The following NOBOX variants were observed in gnomAD, a reference collection of about 807,000 sequenced individuals.
The protein encoded by NOBOX is NOBOX oogenesis homeobox.
A neutral mutation model predicts 60.2 loss-of-function variants in NOBOX; 46 were observed. That is an observed-to-expected ratio of 0.76 (90% CI 0.60 to 0.98). The LOEUF (loss-of-function observed/expected upper bound fraction) is 0.98. NOBOX is among the 50% of genes least tolerant of loss of function. The probability of loss-of-function intolerance (pLI) is 0.00; values close to 1 mark genes in which losing one functional copy is unlikely to be tolerated. For missense variants in NOBOX, 880 were observed against 865.5 expected (o/e 1.02, Z -0.21); for synonymous variants, 360 against 346.3 (o/e 1.04, Z -0.44).
In NOBOX at chr7:144,399,866, A is replaced by G. The variant is rs558952909; in HGVS notation, c.1048-3T>C. The G allele has an allele frequency of 9.5e-5, 152 of 1,606,140 alleles. 1 individual carries two copies. In the South Asian group the frequency reaches 1.6e-3, roughly 16 times the overall value. Reference sequence around the variant, plus strand: ...GCCCGGCGATTCTGGAACCACACCTATGGGGGGAAAGGTGCTTGAAGAACT... The same window carrying G: ...GCCCGGCGATTCTGGAACCACACCTGTGGGGGGAAAGGTGCTTGAAGAACT... On this transcript the variant is annotated splice_region_variant and splice_polypyrimidine_tract_variant and intron_variant, in intron 5 of 9. Coordinates refer to ENST00000467773, the MANE Select transcript of NOBOX (RefSeq NM_001080413.3).
chr7:144,407,166 AT>A (rs1400501005), intron 1 of NOBOX, among the ~76,000 whole-genome samples: 1 of 151,932 alleles, frequency 6.6e-6, no homozygotes, highest in African/African-American at 2.4e-5. Flanking sequence ...AAAGTAGTTA[AT>A]TTTTTTCAGT....
At chr7:144,397,615 C>A in intron 9 of NOBOX, 74 bp from the exon 8 acceptor site, 1 of 1,304,682 alleles carries the variant, frequency 7.7e-7, no homozygotes, top group Non-Finnish European at 1.0e-6. Context: ...TGTTCTACAA[C>A]AGATCCCCCC....
chr7:144,404,372 C>A lies in NOBOX; in HGVS notation c.210+184G>T, dbSNP rs1462963250. 3.9e-5 allele frequency among the ~76,000 whole-genome samples: 6 copies of A among 151,944 alleles called. No individual in the cohort carries two copies. The East Asian group carries it at 1.2e-3, about 29-fold the overall frequency. On this transcript the variant is annotated intron_variant, in intron 2 of 9. Coordinates refer to ENST00000467773, the MANE Select transcript of NOBOX (RefSeq NM_001080413.3). ...AAGCGATTCTCCTGCCTCAGCCTCG[C>A]GAGTAGCTGGGACTACAGGCGCCCG... is the stretch of plus-strand genomic sequence containing the variant.
chr7:144,398,860 C>T, intron 8 of NOBOX, 90 bp downstream of exon 6: 2 of 735,306 alleles, frequency 2.7e-6, no homozygotes, highest in Non-Finnish European at 4.7e-6. Flanking sequence ...CTCAGTTAAC[C>T]CTCTCCTCTC....
chr7:144,406,429 A>G (rs2053986142), intron 1 of NOBOX, among the ~76,000 whole-genome samples: 1 of 152,118 alleles, frequency 6.6e-6, no homozygotes, highest in Admixed American at 6.5e-5. Flanking sequence ...GTGGTGGCAC[A>G]CGCCTGTAAT....
intron 1 of NOBOX, among the ~76,000 whole-genome samples, chr7:144,407,959 C>A (rs2053997151): frequency 6.6e-6 from 1 of 152,194 alleles, no homozygotes; most frequent in African/African-American, 2.4e-5. Flanking sequence ...CATTCTAATT[C>A]TCCTGATGTG....
In NOBOX at chr7:144,399,404, G is replaced by A. The variant is rs182594051; in HGVS notation, c.1233C>T (p.Thr411=). 2.9e-5 allele frequency: 46 copies of A among 1,578,758 alleles called. No homozygotes were observed. The highest frequency in any genetic ancestry group is 2.8e-4 in the African/African-American group (21 of 74,340). ...CTGAAGGTGGGAACTCACCTGGAAA[G>A]GTATCCAGAGGGGACTCCTGAGGGA... Residue 411 remains threonine (T), a synonymous_variant, in exon 7 of 10, where the codon ACC becomes ACT. Transcript: ENST00000467773.
Position 144,401,816 on chromosome 7 carries a change from G to A in NOBOX, c.292+53C>T, listed in dbSNP as rs1053332900. Reference sequence around the variant, plus strand: ...CTTTGAAAAATGTAGACAAATTTATGCAATTCTGAGACGGCGTTAGCTCAT... The same window carrying A: ...CTTTGAAAAATGTAGACAAATTTATACAATTCTGAGACGGCGTTAGCTCAT... On this transcript the variant is annotated intron_variant, in intron 3 of 9. Coordinates refer to ENST00000467773, the MANE Select transcript of NOBOX (RefSeq NM_001080413.3). This position sits in a 1 kb window ranked among gnomAD's most constrained non-coding sequence, Gnocchi z 4.2. The A allele has an allele frequency of 6.2e-6, 8 of 1,290,086 alleles. No homozygotes were observed. In the African/African-American group the frequency reaches 1.2e-4, roughly 19 times the overall value. 79.9% of individuals were successfully genotyped at this position (1,290,086 alleles called of 1,614,324 possible).
rs768084403 is a variant in NOBOX, at chr7:144,401,633, G to C, written c.293-36C>G. ...CCAACATCCACTGACCTTAGCACCA[G>C]GGAGAAGGAAGAACTGGACCAAGAG... is the stretch of plus-strand genomic sequence containing the variant. On this transcript the variant is annotated intron_variant, in intron 3 of 9. Transcript: ENST00000467773. The surrounding 1 kb of genome is among the most constrained non-coding windows in gnomAD (Gnocchi z 4.2). The C allele has an allele frequency of 2.0e-6, 3 of 1,493,550 alleles. No homozygotes were observed. Among genetic ancestry groups the C allele is most frequent in the Non-Finnish European group, 2.7e-6 (3 of 1,128,832 alleles). 92.5% of individuals were successfully genotyped at this position (1,493,550 alleles called of 1,614,324 possible).
intron 8 of NOBOX, 148 bp downstream of exon 6, chr7:144,398,802 A>T: frequency 1.6e-6 from 1 of 636,248 alleles, no homozygotes; most frequent in Non-Finnish European, 2.8e-6. Flanking sequence ...CATTCCCCAG[A>T]TCCCCTTATC....
In NOBOX at chr7:144,401,541, G is replaced by C; in HGVS notation, c.349C>G (p.Arg117Gly). 6.6e-7 allele frequency: 1 copy of C among 1,515,078 alleles called. No individual in the cohort carries two copies. The allele number at this position is 1,515,078 out of a possible 1,614,324, so 93.9% of individuals were successfully genotyped here. The stretch of plus-strand genomic sequence containing the variant: ...TCCTGAGCATGAGGGGCTGAGCCCC[G>C]GAGCAGTTCCTCCTCCCCGGGTCCT... Residue 117 changes from arginine (R) to glycine (G), a missense_variant, in exon 4 of 10, where the codon CGG becomes GGG. By Grantham distance (125) the Arg-to-Gly change is moderately radical (BLOSUM62 -2). Transcript: ENST00000467773. This position sits in a 1 kb window ranked among gnomAD's most constrained non-coding sequence, Gnocchi z 4.2.
intron 1 of NOBOX, among the ~76,000 whole-genome samples, chr7:144,405,378 T>G (rs762136915): frequency 2.3e-4 from 35 of 152,162 alleles, no homozygotes; most frequent in Non-Finnish European, 1.3e-4. Context: ...GGCACGTCCT[T>G]GCTCACAGAA....
rs1314282377 is a variant in NOBOX at position 144,397,535 on chromosome 7, G to T, written c.1781C>A (p.Ala594Asp). ...TGGCAAACAGGGGTCACTCCAGGAG[G>T]CTGTACCTGTGGGGTCGGAGGGTGT... Residue 594 changes from alanine to aspartate, a missense_variant, in exon 10 of 10, where the codon GCC (alanine) becomes GAC (aspartate). Transcript: ENST00000467773. The T allele has an allele frequency of 6.6e-7, 1 of 1,523,422 alleles. No individual in the cohort carries two copies. The highest frequency in any genetic ancestry group is 8.8e-7 in the Non-Finnish European group (1 of 1,138,178). 94.4% of individuals were successfully genotyped at this position (1,523,422 alleles called of 1,614,324 possible). A position where few individuals can be genotyped will look rare whatever the true frequency, so the allele number is the denominator to read the frequency against.
At position 144,410,204 on chromosome 7, in the gene NOBOX, T is replaced by C; in HGVS notation, c.24A>G (p.Thr8=). The change falls in exon 1 of 10, where the codon ACA becomes ACG. Residue 8 remains threonine, a synonymous_variant. Transcript: ENST00000467773. Reference sequence around the variant, plus strand: ...CCCAGGTACCCTCCAGGTCTGGTGATGTTAGTGTCAAAAGGAGAGCCATGT... The same window carrying C: ...CCCAGGTACCCTCCAGGTCTGGTGACGTTAGTGTCAAAAGGAGAGCCATGT... The C allele has an allele frequency of 7.0e-6, 11 of 1,568,862 alleles. No individual in the cohort carries two copies. The highest frequency in any genetic ancestry group is 9.5e-6 in the Non-Finnish European group (11 of 1,155,384).
chr7:144,397,551 CG>C lies in NOBOX; in HGVS notation c.1775-11del. ...CTCCAGGAGGCTGTACCTGTGGGGT[CG>C]GAGGGTGTAGGAATTACCAGACAGG... On this transcript the variant is annotated splice_polypyrimidine_tract_variant and intron_variant, in intron 9 of 9. Transcript: ENST00000467773. 1 of 1,509,028 alleles carries C rather than the reference CG, an allele frequency of 6.6e-7. No homozygotes were observed. The highest frequency in any genetic ancestry group is 8.8e-7 in the Non-Finnish European group (1 of 1,130,954). 93.5% of individuals were successfully genotyped at this position (1,509,028 alleles called of 1,614,324 possible). A position where few individuals can be genotyped will look rare whatever the true frequency, so the allele number is the denominator to read the frequency against.
chr7:144,400,308 C>T lies in NOBOX; in HGVS notation c.849G>A (p.Gln283=). Residue 283 remains glutamine (Q), a synonymous_variant, in exon 5 of 10, where the codon CAG becomes CAA. Transcript: ENST00000467773. Reference sequence around the variant, plus strand: ...GGAATATCTTCTCTAGCTCCTCCAGCTGATCTGAAAGAAGAAGAAACTTGT... The same window carrying T: ...GGAATATCTTCTCTAGCTCCTCCAGTTGATCTGAAAGAAGAAGAAACTTGT... The T allele has an allele frequency of 6.2e-7, 1 of 1,613,886 alleles. No homozygotes were observed.
rs750739552 is a variant in NOBOX at position 144,399,099 on chromosome 7, G to C, written c.1320C>G (p.Pro440=). 7.9e-7 allele frequency: 1 copy of C among 1,261,376 alleles called. No homozygotes were observed. The highest frequency in any genetic ancestry group is 1.2e-6 in the Non-Finnish European group (1 of 863,966). 78.1% of individuals were successfully genotyped at this position (1,261,376 alleles called of 1,614,324 possible). ...GCACAGGTGGGGGGCTGAAGAGTGG[G>C]GGGGTCACCACCCTCTGAGCACCCT... Residue 440 remains proline (P), a synonymous_variant, in exon 8 of 10, where the codon CCC becomes CCG. Transcript: ENST00000467773.
chr7:144,403,658 C>T (rs1298089016), intron 2 of NOBOX: 8 of 701,522 alleles, frequency 1.1e-5, no homozygotes, highest in Non-Finnish European at 1.8e-5. Flanking sequence ...CACACTCACC[C>T]AGCGGTCCCT....
At chr7:144,402,773 T>TC in intron 2 of NOBOX, among the ~76,000 whole-genome samples, 1 of 89,360 alleles carries the variant, frequency 1.1e-5, no homozygotes, top group East Asian at 4.5e-4. Flanking sequence ...TTTTTTTTTT[T>TC]TGAGATGGAG....
Sources: allele counts gnomAD v4.1 joint callset (sites outside exome capture counted in the v4.1 genomes callset), GRCh38; gene constraint gnomAD v4.1.1; non-coding constraint Gnocchi (gnomAD v3.1); transcripts MANE v1.5; gene names NCBI Gene and HGNC (gene_info 2026-07-23, HGNC 2026-07-21).